The following SOX5 variants were observed in gnomAD, a reference collection of about 807,000 sequenced individuals.
The protein encoded by SOX5 is transcription factor SOX-5.
A neutral mutation model predicts 92.0 loss-of-function variants in SOX5; 9 were observed. The observed-to-expected ratio is 0.10, with a 90% confidence interval of 0.06 to 0.17. SOX5 has a LOEUF of 0.17. Among genes scored for constraint, SOX5 ranks in the 10% least tolerant of loss-of-function variants. The probability of loss-of-function intolerance (pLI) is 1.00; values close to 1 mark genes in which losing one functional copy is unlikely to be tolerated. For missense variants in SOX5, 642 were observed against 944.5 expected (o/e 0.68, Z 4.20); for synonymous variants, 344 against 336.3 (o/e 1.02, Z -0.25).
chr12:23,650,634 C>A (rs980565127), intron 7 of SOX5, among the ~76,000 whole-genome samples: 2 of 152,060 alleles, frequency 1.3e-5, no homozygotes, highest in African/African-American at 4.8e-5. Flanking sequence ...GAGCCCCCTG[C>A]CATTTATAGG....
intron 4 of SOX5, among the ~76,000 whole-genome samples, chr12:24,069,111 TA>T (rs1397383597): frequency 2.8e-5 from 4 of 140,884 alleles, no homozygotes; most frequent in Non-Finnish European, 4.8e-5. Flanking sequence ...CTTAGGGCCT[TA>T]AAAAAAAATA....
intron 1 of SOX5, among the ~76,000 whole-genome samples, chr12:24,411,016 GT>G (rs997828088): frequency 3.3e-4 from 50 of 152,128 alleles, no homozygotes; most frequent in African/African-American, 1.2e-3. Context: ...CCTTTAATGT[GT>G]TTTGTTAGAT....
chr12:24,115,453 T>C (rs753532160), intron 4 of SOX5, among the ~76,000 whole-genome samples: 1 of 152,180 alleles, frequency 6.6e-6, no homozygotes, highest in Non-Finnish European at 1.5e-5. Flanking sequence ...TACATGAAGA[T>C]GTACCCCGAT....
chr12:24,148,499 AAAAAAG>A (rs1424740398), intron 4 of SOX5, among the ~76,000 whole-genome samples: 1 of 141,556 alleles, frequency 7.1e-6, no homozygotes, highest in African/African-American at 2.7e-5. Context: ...AAAAAAAAAA[AAAAAAG>A]AGAGAGAGAG....
chr12:24,529,113 C>G (rs2138616416), intron 1 of SOX5, among the ~76,000 whole-genome samples: 1 of 152,312 alleles, frequency 6.6e-6, no homozygotes, highest in Admixed American at 6.5e-5. Context: ...GGTGCCATAA[C>G]TGTCACCCAA....
At chr12:23,794,535 C>T (rs1288117373) in intron 3 of SOX5, among the ~76,000 whole-genome samples, 1 of 151,986 alleles carries the variant, frequency 6.6e-6, no homozygotes, top group Non-Finnish European at 1.5e-5. Flanking sequence ...AGAGGTAGAG[C>T]CTTACTTATT....
At chr12:23,862,775 G>A (rs897345447) in intron 2 of SOX5, among the ~76,000 whole-genome samples, 5 of 152,094 alleles carry the variant, frequency 3.3e-5, no homozygotes, top group African/African-American at 7.2e-5. Context: ...CTGAATTTAC[G>A]TGCTACCTGA....
chr12:23,627,204 CT>C (rs1243133451), intron 8 of SOX5, among the ~76,000 whole-genome samples: 4 of 152,178 alleles, frequency 2.6e-5, no homozygotes, highest in Non-Finnish European at 5.9e-5. Flanking sequence ...GCTCTAGTAA[CT>C]TTTACGGAAT....
At chr12:23,555,297 C>A (rs573595165) in intron 11 of SOX5, among the ~76,000 whole-genome samples, 23 of 152,116 alleles carry the variant, frequency 1.5e-4, no homozygotes, top group African/African-American at 5.3e-4. Context: ...TAGACAGTTT[C>A]AATCATCAGA....
At chr12:24,128,567 A>G (rs1949337848) in intron 4 of SOX5, among the ~76,000 whole-genome samples, 1 of 152,134 alleles carries the variant, frequency 6.6e-6, no homozygotes, top group Non-Finnish European at 1.5e-5. Flanking sequence ...AGACGTGGTG[A>G]GGCAGATGTG....
intron 7 of SOX5, among the ~76,000 whole-genome samples, chr12:23,657,545 C>T (rs1348048121): frequency 6.6e-6 from 1 of 152,130 alleles, no homozygotes; most frequent in Non-Finnish European, 1.5e-5. Flanking sequence ...TTAGAACATG[C>T]TTACTGGAGA....
At chr12:24,318,073 T>C (rs1200425504) in intron 2 of SOX5, among the ~76,000 whole-genome samples, 1 of 152,054 alleles carries the variant, frequency 6.6e-6, no homozygotes, top group East Asian at 1.9e-4. Flanking sequence ...TAGCTGGGCA[T>C]GGGCACCCAG....
At chr12:23,602,959 A>C (rs966145421) in intron 9 of SOX5, among the ~76,000 whole-genome samples, 2 of 152,136 alleles carry the variant, frequency 1.3e-5, no homozygotes, top group African/African-American at 4.8e-5. Flanking sequence ...TAAACAACTG[A>C]AATAGATCTT....
chr12:24,300,194 G>GGT (rs1947792322), intron 2 of SOX5, among the ~76,000 whole-genome samples: 1 of 152,178 alleles, frequency 6.6e-6, no homozygotes, highest in Non-Finnish European at 1.5e-5. Context: ...TTCTGCCAGT[G>GGT]GTAACTTCTG....
chr12:23,660,354 G>A (rs1424932249), intron 7 of SOX5, among the ~76,000 whole-genome samples: 3 of 138,210 alleles, frequency 2.2e-5, no homozygotes, highest in African/African-American at 7.9e-5. Context: ...AATGGATCAT[G>A]GATCTTATTA....
At chr12:24,162,056 A>C (rs942383675) in intron 4 of SOX5, among the ~76,000 whole-genome samples, 2 of 152,124 alleles carry the variant, frequency 1.3e-5, no homozygotes, top group Admixed American at 6.6e-5. Flanking sequence ...CTGGCAGTAA[A>C]CAGAAGGAAA....
At chr12:24,401,938 A>G (rs1961806508) in intron 1 of SOX5, among the ~76,000 whole-genome samples, 1 of 152,124 alleles carries the variant, frequency 6.6e-6, no homozygotes, top group Non-Finnish European at 1.5e-5. Context: ...TGTATTTAGA[A>G]TGTATAACAT....
intron 4 of SOX5, among the ~76,000 whole-genome samples, chr12:23,989,218 C>CAAAAAA (rs554892984): frequency 4.2e-3 from 440 of 104,154 alleles, no homozygotes; most frequent in Non-Finnish European, 5.7e-3. Flanking sequence ...GCCAAAAATA[C>CAAAAAA]AAAAAAAAAA....
At chr12:23,696,263 A>C (rs1462838787) in intron 6 of SOX5, among the ~76,000 whole-genome samples, 1 of 151,842 alleles carries the variant, frequency 6.6e-6, no homozygotes, top group Non-Finnish European at 1.5e-5. Flanking sequence ...CTGGAATCTT[A>C]TTGTGGGATG....
Sources: gnomAD v4.1 joint callset for allele counts (sites outside exome capture counted in the v4.1 genomes callset) on GRCh38, gnomAD v4.1.1 for gene constraint, MANE v1.5 for transcripts, NCBI Gene and HGNC (gene_info 2026-07-23, HGNC 2026-07-21) for gene names.